The following PAFAH1B1 variants were observed in gnomAD, a reference collection of about 807,000 sequenced individuals.
The protein encoded by PAFAH1B1 is platelet activating factor acetylhydrolase 1b regulatory subunit 1.
A neutral mutation model predicts 57.5 loss-of-function variants in PAFAH1B1; 2 were observed. That is an observed-to-expected ratio of 0.03 (90% confidence interval 0.01 to 0.11). The LOEUF is 0.11. Ranked by LOEUF, PAFAH1B1 falls within the 10% of genes least tolerant of loss-of-function variation. PAFAH1B1 has a pLI of 1.00. For missense variants in PAFAH1B1, 257 were observed against 512.0 expected (o/e 0.50, Z 4.81); for synonymous variants, 152 against 169.6 (o/e 0.90, Z 0.81).
chr17:2,680,018 G>C (rs2069354335), intron 9 of PAFAH1B1, 146 bp from the exon 10 acceptor site: 8 of 765,634 alleles, frequency 1.0e-5, no homozygotes, highest in Non-Finnish European at 1.5e-5. Flanking sequence ...TGAGTTTTCA[G>C]TTTCCTTTAA....
chr17:2,672,285 C>CAAAAAAAAA (rs35332619), intron 6 of PAFAH1B1, among the ~76,000 whole-genome samples: 1 of 69,588 alleles, frequency 1.4e-5, no homozygotes, highest in African/African-American at 6.7e-5. Flanking sequence ...CCTTGCCTCA[C>CAAAAAAAAA]AAAAAAAAAA....
intron 1 of PAFAH1B1, among the ~76,000 whole-genome samples, chr17:2,606,756 A>G (rs1229460516): frequency 1.3e-5 from 2 of 150,232 alleles, no homozygotes; most frequent in African/African-American, 4.9e-5. Flanking sequence ...GAATAGCCAT[A>G]TAAGTATTAC....
chr17:2,596,227 CTCT>C (rs1393413122), intron 1 of PAFAH1B1, among the ~76,000 whole-genome samples: 1 of 152,134 alleles, frequency 6.6e-6, no homozygotes, highest in Non-Finnish European at 1.5e-5. Context: ...TATATCTACA[CTCT>C]TGTTAATGTT....
At chr17:2,603,685 A>G (rs576306746) in intron 1 of PAFAH1B1, among the ~76,000 whole-genome samples, 17 of 152,068 alleles carry the variant, frequency 1.1e-4, no homozygotes, top group African/African-American at 3.9e-4. Context: ...ATTCAATTTC[A>G]TAAGAAGGGG....
intron 6 of PAFAH1B1, among the ~76,000 whole-genome samples, chr17:2,672,331 ATG>A (rs2069196078): frequency 6.7e-6 from 1 of 149,778 alleles, no homozygotes; most frequent in Non-Finnish European, 1.5e-5. Context: ...TAGCGTTCAT[ATG>A]TAAACATTCA....
chr17:2,668,142 C>T lies in PAFAH1B1; in HGVS notation c.399+944C>T, dbSNP rs1032156379. 2.1e-4 allele frequency among the ~76,000 whole-genome samples: 32 copies of T among 151,418 alleles called. 1 individual carries two copies. The highest frequency in any genetic ancestry group is 8.5e-4 in the Admixed American group (13 of 15,226). ...GAGTTCAAGACCAGCCTGAGCAACA[C>T]GGAGAAACCCCATCTCTACTAAAAT... On this transcript the variant is annotated intron_variant, in intron 5 of 10. Transcript: ENST00000397195.
Position 2,596,739 on chromosome 17 carries a change from C to G in PAFAH1B1, c.-191+2733C>G, listed in dbSNP as rs2068087544. ...ACTGTATTATGTGTCTGACATATCC[C>G]TATTCCTACTGTTTGTAGAATATCA... On this transcript the variant is annotated intron_variant, in intron 1 of 10. Coordinates refer to ENST00000397195, the MANE Select transcript of PAFAH1B1 (RefSeq NM_000430.4). Among the ~76,000 whole-genome samples the G allele has an allele frequency of 2.6e-5, 4 of 152,152 alleles. No homozygotes were observed. The South Asian group carries it at 8.3e-4, about 31-fold the overall frequency.
intron 1 of PAFAH1B1, among the ~76,000 whole-genome samples, chr17:2,598,637 A>G (rs561632577): frequency 6.6e-6 from 1 of 152,104 alleles, no homozygotes; most frequent in Admixed American, 6.6e-5. Flanking sequence ...TTCTATTTAA[A>G]ATAAAACTAG....
intron 1 of PAFAH1B1, among the ~76,000 whole-genome samples, chr17:2,606,981 C>T (rs1489097975): frequency 2.0e-5 from 3 of 150,368 alleles, no homozygotes; most frequent in Non-Finnish European, 4.4e-5. Flanking sequence ...CCCGCCACCA[C>T]GCCTGGCTAA....
chr17:2,663,069 C>T (rs1403261719), intron 2 of PAFAH1B1, among the ~76,000 whole-genome samples: 8 of 152,196 alleles, frequency 5.3e-5, no homozygotes, highest in Middle Eastern at 3.4e-3. Context: ...GCCAAGATCA[C>T]GCCATTGCAC....
intron 7 of PAFAH1B1, chr17:2,673,585 G>C (rs1349157122): frequency 6.0e-6 from 1 of 166,952 alleles, no homozygotes; most frequent in African/African-American, 2.4e-5. Flanking sequence ...CCTGCAGTGA[G>C]CCGAGATCGC....
At chr17:2,649,154 C>T (rs1211626797) in intron 2 of PAFAH1B1, among the ~76,000 whole-genome samples, 5 of 148,734 alleles carry the variant, frequency 3.4e-5, no homozygotes, top group Non-Finnish European at 7.4e-5. Context: ...GAGGCAGAGG[C>T]TGCAGTGAGG....
At chr17:2,672,552 C>T in intron 6 of PAFAH1B1, 103 bp from the exon 7 acceptor site, 1 of 800,610 alleles carries the variant, frequency 1.2e-6, no homozygotes, top group Non-Finnish European at 2.2e-6. Flanking sequence ...TTAGAACTTG[C>T]TTTGACATAG....
chr17:2,646,465 C>T (rs2068770202), intron 2 of PAFAH1B1, among the ~76,000 whole-genome samples: 1 of 151,944 alleles, frequency 6.6e-6, no homozygotes, highest in African/African-American at 2.4e-5. Context: ...CCTGCCTGGC[C>T]AACATGGTGA....
At chr17:2,624,384 A>G (rs767246640) in intron 1 of PAFAH1B1, among the ~76,000 whole-genome samples, 5 of 152,094 alleles carry the variant, frequency 3.3e-5, no homozygotes, top group East Asian at 1.9e-4. Context: ...AGTTTACTGT[A>G]TTAGTTCGTT....
intron 1 of PAFAH1B1, among the ~76,000 whole-genome samples, chr17:2,597,811 T>C (rs1178104052): frequency 6.6e-6 from 1 of 152,094 alleles, no homozygotes; most frequent in African/African-American, 2.4e-5. Context: ...TGTCTGTCTG[T>C]CTGCGTATAT....
intron 2 of PAFAH1B1, chr17:2,641,858 C>A (rs183005803): frequency 6.6e-6 from 1 of 152,100 alleles, no homozygotes; most frequent in African/African-American, 2.4e-5. Flanking sequence ...TATACTGACA[C>A]CCTAGTATAC....
chr17:2,635,953 C>CAAAAAAAAAAAAA (rs560825633), intron 1 of PAFAH1B1, among the ~76,000 whole-genome samples: 2 of 70,874 alleles, frequency 2.8e-5, no homozygotes, highest in Non-Finnish European at 3.2e-5. Context: ...TAGAAAAATA[C>CAAAAAAAAAAAAA]AAAAAAAAAA....
chr17:2,615,386 T>C (rs2068325810), intron 1 of PAFAH1B1, among the ~76,000 whole-genome samples: 1 of 152,230 alleles, frequency 6.6e-6, no homozygotes, highest in Non-Finnish European at 1.5e-5. Context: ...TCAGTTTCTT[T>C]AGAACCTTTA....
Sources: allele counts gnomAD v4.1 joint callset (sites outside exome capture counted in the v4.1 genomes callset), GRCh38; gene constraint gnomAD v4.1.1; transcripts MANE v1.5; gene names NCBI Gene and HGNC (gene_info 2026-07-23, HGNC 2026-07-21).